The following CFI variants were observed in gnomAD, a reference collection of about 807,000 sequenced individuals.
CFI encodes the protein complement factor I, also known as C3B/C4B inactivator.
In CFI, 66 loss-of-function variants were observed where a neutral mutation model predicts 78.8. The observed-to-expected ratio is 0.84, with a 90% CI of 0.69 to 1.03. The LOEUF is 1.03. CFI is among the 50% of genes least tolerant of loss of function. CFI has a pLI of 0.00. For synonymous variants in CFI, 250 were observed against 232.6 expected (o/e 1.07, Z -0.68); for missense variants, 706 against 704.5 (o/e 1.00, Z -0.02).
At chr4:109,782,133 C>T (rs1385517598) in intron 1 of CFI, among the ~76,000 whole-genome samples, 1 of 152,096 alleles carries the variant, frequency 6.6e-6, no homozygotes, top group Admixed American at 6.6e-5. Context: ...CATTCCTCTT[C>T]AACACAGTAT....
In CFI at chr4:109,765,515, G is replaced by A. The variant is rs571815149; in HGVS notation, c.329-825C>T. Among the ~76,000 whole-genome samples the A allele has an allele frequency of 8.5e-5, 13 of 152,298 alleles. 1 individual carries two copies. The South Asian group carries it at 2.7e-3, about 32-fold the overall frequency. ...TAGAAACTTCACATTTTACAGATGA[G>A]GGAACTGGGGTCCAGTGAGGTCCAG... On this transcript the variant is annotated intron_variant, in intron 2 of 12. Transcript: ENST00000394634.
At chr4:109,798,156 G>C (rs930869033) in intron 1 of CFI, among the ~76,000 whole-genome samples, 1 of 152,130 alleles carries the variant, frequency 6.6e-6, no homozygotes, top group African/African-American at 2.4e-5. Context: ...CCAGAGAGTG[G>C]GATGGTGGTT....
At chr4:109,777,351 A>C (rs1300958400) in intron 1 of CFI, among the ~76,000 whole-genome samples, 1 of 152,222 alleles carries the variant, frequency 6.6e-6, no homozygotes, top group Non-Finnish European at 1.5e-5. Context: ...GATAAAACAG[A>C]CTTTAAACCA....
At position 109,801,905 on chromosome 4, in the gene CFI, A is replaced by G; in HGVS notation, c.57+10T>C. The G allele has an allele frequency of 6.3e-7, 1 of 1,587,638 alleles. No homozygotes were observed. Among genetic ancestry groups the G allele is most frequent in the Non-Finnish European group, 8.6e-7 (1 of 1,156,982 alleles). The stretch of plus-strand genomic sequence containing the variant: ...ATTAAAATTGTTTGCATAAAGGTTG[A>G]ATTACTTACCTTGCAAAACCTTAAG... On this transcript the variant is annotated intron_variant, in intron 1 of 12. Transcript: ENST00000394634.
chr4:109,766,117 C>CA (rs1003722598), intron 2 of CFI, among the ~76,000 whole-genome samples: 2 of 151,876 alleles, frequency 1.3e-5, no homozygotes, highest in Non-Finnish European at 2.9e-5. Context: ...GACTCCGTCT[C>CA]AAAAAAACAA....
At chr4:109,784,354 G>A (rs1730483614) in intron 1 of CFI, among the ~76,000 whole-genome samples, 1 of 152,028 alleles carries the variant, frequency 6.6e-6, no homozygotes, top group African/African-American at 2.4e-5. Flanking sequence ...GTTTAGATGT[G>A]AAGGGGCACA....
Sources: allele counts gnomAD v4.1 joint callset (sites outside exome capture counted in the v4.1 genomes callset), GRCh38; gene constraint gnomAD v4.1.1; transcripts MANE v1.5; gene names NCBI Gene and HGNC (gene_info 2026-07-23, HGNC 2026-07-21).